SLCO3A1: variants seen among roughly 807,000 people sequenced by gnomAD.
SLCO3A1 encodes the protein solute carrier organic anion transporter family member 3A1, also known as PGE1 transporter.
SLCO3A1 carries 27 observed loss-of-function variants against 63.1 expected under a neutral mutation model. The observed-to-expected ratio is 0.43, with a 90% CI of 0.32 to 0.59. The LOEUF is 0.59. SLCO3A1 is among the 20% of genes least tolerant of loss of function. The pLI is 0.09. For synonymous variants in SLCO3A1, 473 were observed against 409.9 expected (o/e 1.15, Z -1.86); for missense variants, 773 against 945.8 (o/e 0.82, Z 2.40).
At chr15:91,962,260 A>G (rs144345040) in intron 2 of SLCO3A1, among the ~76,000 whole-genome samples, 155 of 152,226 alleles carry the variant, frequency 1.0e-3, no homozygotes, top group African/African-American at 3.5e-3. Flanking sequence ...CAGATGGATC[A>G]CCTGAGGTCG....
intron 2 of SLCO3A1, among the ~76,000 whole-genome samples, chr15:92,037,148 C>T (rs2046738096): frequency 6.6e-6 from 1 of 152,130 alleles, no homozygotes; most frequent in Non-Finnish European, 1.5e-5. Flanking sequence ...TTTGATTCTC[C>T]ATAGTTAGTT....
At chr15:92,057,100 G>T (rs1232357207) in intron 2 of SLCO3A1, among the ~76,000 whole-genome samples, 1 of 152,194 alleles carries the variant, frequency 6.6e-6, no homozygotes, top group Non-Finnish European at 1.5e-5. Context: ...CAGCTGCTCT[G>T]CTGTGCCCGT....
chr15:92,146,845 C>G (rs1242019489), intron 7 of SLCO3A1, 139 bp from the exon 8 acceptor site: 1 of 706,128 alleles, frequency 1.4e-6, no homozygotes, highest in Non-Finnish European at 2.3e-6. Flanking sequence ...AAAAAGCTAA[C>G]TAACTCGTTT....
At chr15:91,857,475 C>T (rs1567158949) in intron 1 of SLCO3A1, among the ~76,000 whole-genome samples, 2 of 152,244 alleles carry the variant, frequency 1.3e-5, no homozygotes, top group South Asian at 2.1e-4. Context: ...GAGGCCTGCT[C>T]GGTTTGATAG....
chr15:91,869,030 T>C (rs1897233142), intron 1 of SLCO3A1, among the ~76,000 whole-genome samples: 1 of 152,204 alleles, frequency 6.6e-6, no homozygotes, highest in Non-Finnish European at 1.5e-5. Context: ...GAAATAATCA[T>C]GACTGGTGGT....
chr15:91,955,533 A>G lies in SLCO3A1; in HGVS notation c.646+39075A>G, dbSNP rs929055603. Among the ~76,000 whole-genome samples, 29 of 151,870 alleles carry G rather than the reference A, an allele frequency of 1.9e-4. 1 individual carries two copies. Among genetic ancestry groups the G allele is most frequent in the Admixed American group, 8.5e-4 (13 of 15,256 alleles). On this transcript the variant is annotated intron_variant, in intron 2 of 9. Transcript: ENST00000318445. ...TTTTTGGTAGAGATGGGGTTTCACT[A>G]TGTTGGCCAGGCTGGTCTTGAACTC...
intron 9 of SLCO3A1, among the ~76,000 whole-genome samples, chr15:92,160,064 A>G (rs1485315490): frequency 6.6e-6 from 1 of 152,094 alleles, no homozygotes; most frequent in Admixed American, 6.5e-5. Context: ...TGTCCTCTCT[A>G]ACCTTGGCTC....
At chr15:92,140,513 G>A (rs932135933) in intron 7 of SLCO3A1, among the ~76,000 whole-genome samples, 1 of 152,034 alleles carries the variant, frequency 6.6e-6, no homozygotes, top group African/African-American at 2.4e-5. Flanking sequence ...GCAGAGCTGA[G>A]TTCAATTCCT....
At chr15:92,048,351 A>G (rs2046915516) in intron 2 of SLCO3A1, among the ~76,000 whole-genome samples, 2 of 152,052 alleles carry the variant, frequency 1.3e-5, no homozygotes, top group South Asian at 4.1e-4. Context: ...AAGTCCCAGA[A>G]GCTCCCCAGT....
chr15:92,159,057 TCACA>T (rs536055286), intron 9 of SLCO3A1, among the ~76,000 whole-genome samples: 1 of 152,074 alleles, frequency 6.6e-6, no homozygotes, highest in African/African-American at 2.4e-5. Context: ...GGCGAAACAC[TCACA>T]CACACACCTC....
chr15:92,090,954 G>A (rs1414785526), intron 2 of SLCO3A1, among the ~76,000 whole-genome samples: 4 of 152,190 alleles, frequency 2.6e-5, no homozygotes, highest in Admixed American at 2.0e-4. Context: ...GAGGTTAAAT[G>A]TACTTTGCCC....
intron 2 of SLCO3A1, among the ~76,000 whole-genome samples, chr15:91,983,370 A>C (rs2046011007): frequency 6.6e-6 from 1 of 152,168 alleles, no homozygotes; most frequent in Non-Finnish European, 1.5e-5. Flanking sequence ...TTTCTAGAGA[A>C]GTTCTCTCTG....
chr15:91,952,108 A>C (rs1361585925), intron 2 of SLCO3A1, among the ~76,000 whole-genome samples: 1 of 152,188 alleles, frequency 6.6e-6, no homozygotes, highest in Non-Finnish European at 1.5e-5. Context: ...CATTTTTCTA[A>C]TGACTAATGA....
chr15:91,861,801 T>G (rs1897054498), intron 1 of SLCO3A1, among the ~76,000 whole-genome samples: 1 of 151,748 alleles, frequency 6.6e-6, no homozygotes, highest in Admixed American at 6.6e-5. Context: ...TTTTCTTATT[T>G]TTTTTTTTGG....
intron 2 of SLCO3A1, among the ~76,000 whole-genome samples, chr15:91,988,889 C>G (rs1260031419): frequency 6.6e-6 from 1 of 152,172 alleles, no homozygotes; most frequent in African/African-American, 2.4e-5. Flanking sequence ...AGGATACAGT[C>G]CAATCATGGC....
intron 9 of SLCO3A1, 73 bp from the exon 10 acceptor site, chr15:92,162,683 G>A: frequency 6.5e-7 from 1 of 1,526,788 alleles, no homozygotes; most frequent in Non-Finnish European, 8.8e-7. Context: ...TATAAGAAAA[G>A]CTAGGCAGAG....
At chr15:91,936,112 C>A (rs941763008) in intron 2 of SLCO3A1, among the ~76,000 whole-genome samples, 3 of 152,090 alleles carry the variant, frequency 2.0e-5, no homozygotes, top group Admixed American at 6.5e-5. Context: ...CCAGATACAA[C>A]GGGAATGATA....
intron 5 of SLCO3A1, among the ~76,000 whole-genome samples, chr15:92,121,341 A>G (rs1480272885): frequency 6.6e-6 from 1 of 152,222 alleles, no homozygotes; most frequent in Non-Finnish European, 1.5e-5. Flanking sequence ...TGAGATGTTG[A>G]TAAGTAGTGG....
intron 2 of SLCO3A1, among the ~76,000 whole-genome samples, chr15:92,065,206 C>T (rs575466373): frequency 3.3e-5 from 5 of 152,288 alleles, no homozygotes; most frequent in African/African-American, 1.2e-4. Flanking sequence ...CCTCGGCCTC[C>T]CAAGTAGCTG....
Sources: gnomAD v4.1 joint callset for allele counts (sites outside exome capture counted in the v4.1 genomes callset) on GRCh38, gnomAD v4.1.1 for gene constraint, MANE v1.5 for transcripts, NCBI Gene and HGNC (gene_info 2026-07-23, HGNC 2026-07-21) for gene names.